The following TAF6 variants were observed in gnomAD, a reference collection of about 807,000 sequenced individuals.
The protein encoded by TAF6 is TATA-box binding protein associated factor 6, also known as transcription initiation factor TFIID subunit 6.
A neutral mutation model predicts 73.5 loss-of-function variants in TAF6; 50 were observed. The observed-to-expected ratio is 0.68, with a 90% CI of 0.54 to 0.86. The LOEUF (loss-of-function observed/expected upper bound fraction) is 0.86. Ranked by LOEUF, TAF6 falls within the 40% of genes least tolerant of loss-of-function variation. The pLI, the probability that TAF6 is intolerant of heterozygous loss-of-function variation, is 0.00. For missense variants in TAF6, 768 were observed against 899.5 expected, an observed-to-expected ratio of 0.85 and a Z score of 1.87; for synonymous variants, 424 against 376.7, an observed-to-expected ratio of 1.13 and a Z score of -1.45.
At chr7:100,110,096 G>A (rs981802797) in intron 11 of TAF6, 23 bp from the exon 12 acceptor site, 11 of 1,614,056 alleles carry the variant, frequency 6.8e-6, no homozygotes, top group Non-Finnish European at 9.3e-6. Context: ...AAAAGGACAA[G>A]CAAAAGCCGG....
chr7:100,120,652 CCT>C (rs1230744457), upstream of TAF6, among the ~76,000 whole-genome samples: 3 of 152,222 alleles, frequency 2.0e-5, no homozygotes, highest in East Asian at 3.8e-4. Flanking sequence ...GCTCTTCTCC[CCT>C]GACCTGTCAA....
intron 13 of TAF6, 104 bp downstream of exon 13, chr7:100,108,263 T>C: frequency 6.8e-7 from 1 of 1,474,152 alleles, no homozygotes. Context: ...CTGGTTGCCC[T>C]GAGACTACTG....
intron 12 of TAF6, 98 bp from the exon 13 acceptor site, chr7:100,108,638 G>C: frequency 1.5e-6 from 2 of 1,349,204 alleles, no homozygotes; most frequent in East Asian, 4.7e-5. Flanking sequence ...CTTGGGGATG[G>C]GGTAAAAAAG....
chr7:100,109,518 C>T (rs139477425), intron 12 of TAF6, among the ~76,000 whole-genome samples: 98 of 151,850 alleles, frequency 6.5e-4, no homozygotes, highest in Admixed American at 2.0e-3. Flanking sequence ...TTTTGGGGGG[C>T]GGTGGTCTCC....
chr7:100,114,335 G>A (rs1167957234), intron 1 of TAF6, 67 bp from the exon 2 acceptor site: 1 of 1,477,492 alleles, frequency 6.8e-7, no homozygotes, highest in East Asian at 2.3e-5. Context: ...CCAACAAAGG[G>A]AGGACAGTGG....
At chr7:100,126,274 G>A in the TAF6 span, among the ~76,000 whole-genome samples, 3 of 152,248 alleles carry the variant, frequency 2.0e-5, no homozygotes, top group East Asian at 1.9e-4. Context: ...CCCAGGAGGC[G>A]GAGGTTGCAG....
Position 100,113,451 on chromosome 7 carries a change from T to G in TAF6, c.398-46A>C. The G allele has an allele frequency of 3.9e-6, 6 of 1,541,420 alleles. No individual in the cohort carries two copies. In the South Asian group the frequency reaches 7.3e-5, roughly 19 times the overall value. ...AAGGTGAATTGCCACGCATGGACAT[T>G]GGGGAGTTGCCCCATGCTATGGAAG... On this transcript the variant is annotated intron_variant, in intron 4 of 14. Coordinates refer to ENST00000453269, the MANE Select transcript of TAF6 (RefSeq NM_139315.3).
At chr7:100,117,333 G>A (rs1402430218) in intron 1 of TAF6, among the ~76,000 whole-genome samples, 2 of 146,356 alleles carry the variant, frequency 1.4e-5, no homozygotes, top group Admixed American at 6.9e-5. Context: ...GAGCAATGGC[G>A]CGATCTTGGC....
At chr7:100,113,127 G>C (rs1419556684) in intron 5 of TAF6, among the ~76,000 whole-genome samples, 1 of 152,130 alleles carries the variant, frequency 6.6e-6, no homozygotes, top group Non-Finnish European at 1.5e-5. Context: ...TTAGCCGGGC[G>C]TGGTGGTGTG....
chr7:100,113,426 A>G, intron 4 of TAF6, 21 bp from the exon 5 acceptor site: 1 of 1,567,196 alleles, frequency 6.4e-7, no homozygotes, highest in Non-Finnish European at 8.6e-7. Context: ...GGCAGGTGTC[A>G]AGGTGAATTG....
At chr7:100,125,379 G>A in the TAF6 span, 1 of 156,582 alleles carries the variant, frequency 6.4e-6, no homozygotes, top group African/African-American at 2.4e-5. Context: ...ATGGCCTGGA[G>A]TTGCTGATAA....
upstream of TAF6, chr7:100,121,940 C>A: frequency 3.9e-6 from 1 of 259,176 alleles, no homozygotes; most frequent in South Asian, 3.8e-5. Flanking sequence ...GTCCCAGCTA[C>A]TCGGGAGACT....
In TAF6 at chr7:100,114,268, C is replaced by G; in HGVS notation, c.-59G>C. 1 of 1,613,016 alleles carries G rather than the reference C, an allele frequency of 6.2e-7. No homozygotes were observed. The highest frequency in any genetic ancestry group is 8.5e-7 in the Non-Finnish European group (1 of 1,180,012). On this transcript the variant is annotated splice_region_variant and 5_prime_UTR_variant, in exon 2 of 15. Transcript: ENST00000453269. Reference sequence around the variant, plus strand: ...AAGCCCCCGGTGGAGAGACGGAGACCCTGGCAGAGGAACGGGGCAGGCAGA... The same window carrying G: ...AAGCCCCCGGTGGAGAGACGGAGACGCTGGCAGAGGAACGGGGCAGGCAGA...
upstream of TAF6, chr7:100,122,386 G>C (rs753376538): frequency 4.2e-5 from 67 of 1,613,976 alleles, no homozygotes; most frequent in East Asian, 8.9e-5. Context: ...ACAGCGTTTC[G>C]TGAGTCCTTC....
chr7:100,116,654 C>T (rs1797696898), intron 1 of TAF6: 1 of 152,012 alleles, frequency 6.6e-6, no homozygotes, highest in Admixed American at 6.6e-5. Flanking sequence ...ACAACAACAA[C>T]AACAACAAAA....
chr7:100,118,237 C>CAGCT (rs1230582197), intron 1 of TAF6, among the ~76,000 whole-genome samples: 1 of 151,222 alleles, frequency 6.6e-6, no homozygotes, highest in Non-Finnish European at 1.5e-5. Context: ...CCTGTAGTCC[C>CAGCT]AGCTATCTGG....
upstream of TAF6, chr7:100,122,414 A>G: frequency 6.2e-7 from 1 of 1,613,938 alleles, no homozygotes; most frequent in Non-Finnish European, 8.5e-7. Flanking sequence ...TCCCCTTTCC[A>G]ACCCCCAACG....
At chr7:100,113,318 A>C in intron 5 of TAF6, 31 bp downstream of exon 5, 1 of 1,547,194 alleles carries the variant, frequency 6.5e-7, no homozygotes, top group Non-Finnish European at 8.7e-7. Flanking sequence ...AAAGGGACCC[A>C]GAGACCCAGA....
At chr7:100,107,854 C>A in intron 14 of TAF6, 72 bp downstream of exon 14, 1 of 1,526,944 alleles carries the variant, frequency 6.5e-7, no homozygotes, top group South Asian at 1.3e-5. Context: ...GTGCTCTACT[C>A]CTGGGCCTCC....
Sources: allele counts gnomAD v4.1 joint callset (sites outside exome capture counted in the v4.1 genomes callset), GRCh38; gene constraint gnomAD v4.1.1; transcripts MANE v1.5; gene names NCBI Gene and HGNC (gene_info 2026-07-23, HGNC 2026-07-21).